MAP3K15: variants seen among roughly 807,000 people sequenced by gnomAD.
The protein encoded by MAP3K15 is mitogen-activated protein kinase kinase kinase 15.
Under a neutral mutation model 99.5 loss-of-function variants are expected in MAP3K15, and 124 were observed. The ratio of observed to expected loss-of-function variants is 1.25; its 90% CI spans 1.08 to 1.45. The LOEUF is 1.45. Ranked by LOEUF, MAP3K15 falls within the 40% of genes most tolerant of loss-of-function variation. The pLI is 0.00. For synonymous variants in MAP3K15, 494 were observed against 439.6 expected (o/e 1.12, Z -1.55); for missense variants, 1,242 against 1,079.7 (o/e 1.15, Z -2.11).
At position 19,361,428 on chromosome X, in the gene MAP3K15, T is replaced by C; in HGVS notation, c.3781-13A>G. ...CCTCTTCAACAATCTGAAACAAAGA[T>C]CAGATCCTTAAGAGCTGAGCAGCTG... On this transcript the variant is annotated splice_polypyrimidine_tract_variant and intron_variant, in intron 27 of 28. Coordinates refer to ENST00000338883, the MANE Select transcript of MAP3K15 (RefSeq NM_001001671.4). 8.3e-7 allele frequency: 1 copy of C among 1,201,048 alleles called. No individual in the cohort carries two copies. Among genetic ancestry groups the C allele is most frequent in the South Asian group, 1.8e-5 (1 of 56,403 alleles).
chrX:19,441,311 G>C (rs143860692), intron 6 of MAP3K15, among the ~76,000 whole-genome samples: 2,818 of 109,716 alleles, frequency 0.026, 78 homozygotes, highest in African/African-American at 0.088. Flanking sequence ...TTAGGAATAG[G>C]GGGGGAAGAA....
At chrX:19,453,693 T>C (rs2064073364) in intron 6 of MAP3K15, among the ~76,000 whole-genome samples, 1 of 111,603 alleles carries the variant, frequency 9.0e-6, no homozygotes, top group Non-Finnish European at 1.9e-5. Context: ...TTTGTGGTTC[T>C]CTTCACTAGA....
chrX:19,431,500 G>A lies in MAP3K15; in HGVS notation c.1104C>T (p.Tyr368=). The A allele has an allele frequency of 8.3e-7, 1 of 1,200,284 alleles. No homozygotes were observed. Among genetic ancestry groups the A allele is most frequent in the Non-Finnish European group, 1.1e-6 (1 of 895,012 alleles). Residue 368 remains tyrosine, a synonymous_variant, in exon 7 of 29, where the codon TAC becomes TAT. Transcript: ENST00000338883. The part of the protein sequence containing the change: ...PDMFCLCGRI[Y]KDIFLDSDCK... The stretch of plus-strand genomic sequence containing the variant: ...AGTCTGAATCCAAGAAGATGTCCTT[G>A]TAGATCCTCCCACACAGGCAGAACA...
rs1375160598 is a variant in MAP3K15 at position 19,515,100 on chromosome X, C to A, written c.162G>T (p.Gly54=). ...CCCGCAGAGCCCGCCGCGGCCCGCC[C>A]CCACTCTCGCCCTCGCCGCTGCCGC... ...AAGGSGEGES[G]GGPRRALRAV... The change falls in exon 1 of 29, where the codon GGG becomes GGT. Residue 54 remains glycine, a synonymous_variant. Transcript: ENST00000338883. The A allele has an allele frequency of 1.2e-6, 1 of 838,552 alleles. No individual in the cohort carries two copies. Among genetic ancestry groups the A allele is most frequent in the Non-Finnish European group, 1.5e-6 (1 of 659,461 alleles). 69.1% of individuals were successfully genotyped at this position (838,552 alleles called of 1,213,427 possible). A position where few individuals can be genotyped will look rare whatever the true frequency, so the allele number is the denominator to read the frequency against.
chrX:19,398,468 T>A (rs1309469402), intron 14 of MAP3K15, 109 bp from the exon 15 acceptor site: 10 of 884,728 alleles, frequency 1.1e-5, no homozygotes, highest in Non-Finnish European at 1.3e-5. Flanking sequence ...ATAACATTAT[T>A]TGACTGTCAG....
At chrX:19,388,688 G>A (rs1027612208) in intron 18 of MAP3K15, among the ~76,000 whole-genome samples, 6 of 111,706 alleles carry the variant, frequency 5.4e-5, no homozygotes, top group African/African-American at 2.0e-4. Flanking sequence ...TAAGTAATAT[G>A]CCCAAGGTCA....
At chrX:19,486,958 A>T (rs940214294) in intron 2 of MAP3K15, among the ~76,000 whole-genome samples, 3 of 111,099 alleles carry the variant, frequency 2.7e-5, no homozygotes, top group African/African-American at 9.8e-5. Flanking sequence ...TGTGAAGGCC[A>T]CACCACAGTC....
At position 19,395,084 on chromosome X, in the gene MAP3K15, C is replaced by T. The variant is rs1459360829; in HGVS notation, c.2191G>A (p.Gly731Arg). 8.3e-7 allele frequency: 1 copy of T among 1,207,319 alleles called. No individual in the cohort carries two copies. The highest frequency in any genetic ancestry group is 3.0e-5 in the East Asian group (1 of 33,640). ...YIKIFMEQVP[G>R]GSLSALLRSK... ...CCAGAAGACAGCGACTACTCACCTC[C>T]AGGCACCTGCTCCATAAATATCTTA... Residue 731 changes from glycine to arginine, a missense_variant, in exon 16 of 29, where the codon GGA (glycine) becomes AGA (arginine). Gly to Arg is a moderately radical substitution (Grantham distance 125). Transcript: ENST00000338883.
Position 19,514,956 on chromosome X carries a change from G to C in MAP3K15, c.306C>G (p.Pro102=). ...TCTCCCCGAAGTCCAGCTCCCCGAAGGGCACGGAGGTGAGGTGAGCGCCCT... is the reference window on the plus strand; with the variant it reads ...TCTCCCCGAAGTCCAGCTCCCCGAACGGCACGGAGGTGAGGTGAGCGCCCT... ...EAEGAHLTSV[P]FGELDFGETA... is the part of the protein sequence containing the mutation. Residue 102 remains proline (P), a synonymous_variant, in exon 1 of 29, where the codon CCC becomes CCG. Transcript: ENST00000338883. The C allele has an allele frequency of 8.7e-7, 1 of 1,150,440 alleles. No individual in the cohort carries two copies. Among genetic ancestry groups the C allele is most frequent in the South Asian group, 1.9e-5 (1 of 53,036 alleles). The allele number at this position is 1,150,440 out of a possible 1,213,427, so 94.8% of individuals were successfully genotyped here. A position where few individuals can be genotyped will look rare whatever the true frequency, so the allele number is the denominator to read the frequency against.
At chrX:19,458,238 G>T (rs888806465) in intron 5 of MAP3K15, among the ~76,000 whole-genome samples, 1 of 112,164 alleles carries the variant, frequency 8.9e-6, no homozygotes, top group East Asian at 2.8e-4. Flanking sequence ...AGCATGAATG[G>T]AAGGTTATGA....
At chrX:19,487,350 C>T (rs1157379615) in intron 2 of MAP3K15, among the ~76,000 whole-genome samples, 1 of 110,751 alleles carries the variant, frequency 9.0e-6, no homozygotes, top group Non-Finnish European at 1.9e-5. Context: ...TTTGCTAAGG[C>T]ACAGTTGAAG....
Position 19,410,727 on chromosome X carries a change from T to C in MAP3K15, c.1699-754A>G, listed in dbSNP as rs970416484. On this transcript the variant is annotated intron_variant, in intron 11 of 28. Coordinates refer to ENST00000338883, the MANE Select transcript of MAP3K15 (RefSeq NM_001001671.4). ...ACTGGGATTTCAAACAGCACCCAAG[T>C]TGCACTTACAAACAAAAACTAACTC... Among the ~76,000 whole-genome samples, 12 of 111,731 alleles carry C rather than the reference T, an allele frequency of 1.1e-4. No homozygotes were observed. In the Admixed American group the frequency reaches 1.1e-3, roughly 11 times the overall value.
intron 6 of MAP3K15, among the ~76,000 whole-genome samples, chrX:19,436,501 C>G (rs1259912579): frequency 9.0e-6 from 1 of 111,270 alleles, no homozygotes; most frequent in Non-Finnish European, 1.9e-5. Context: ...GGTAACTACC[C>G]TAGATCCCTT....
Position 19,392,459 on chromosome X carries a change from G to A in MAP3K15, c.2209C>T (p.Leu737Phe), listed in dbSNP as rs765768554. ...ATCGGCCCCCATTTGGATCGCAGAA[G>A]AGCAGAAAGGCTTCCTAGAGACAGT... ...EQVPGGSLSA[L>F]LRSKWGPMKE... Residue 737 changes from leucine to phenylalanine, a missense_variant, in exon 17 of 29, where the codon CTT (leucine) becomes TTT (phenylalanine). Coordinates refer to ENST00000338883, the MANE Select transcript of MAP3K15 (RefSeq NM_001001671.4). The A allele has an allele frequency of 4.1e-6, 5 of 1,207,977 alleles. No homozygotes were observed. The highest frequency in any genetic ancestry group is 4.4e-5 in the Admixed American group (2 of 45,256).
At chrX:19,514,867 A>G in intron 1 of MAP3K15, 34 bp downstream of exon 1, 1 of 925,839 alleles carries the variant, frequency 1.1e-6, no homozygotes, top group Non-Finnish European at 1.4e-6. Context: ...GGGTAGGTGA[A>G]CTGGGACTGA....
intron 18 of MAP3K15, among the ~76,000 whole-genome samples, chrX:19,390,893 G>A (rs753616643): frequency 1.3e-4 from 14 of 110,488 alleles, no homozygotes; most frequent in African/African-American, 4.6e-4. Flanking sequence ...ACTCCTTGGG[G>A]GACTATAAAC....
chrX:19,406,924 C>T (rs2063652592), intron 13 of MAP3K15, among the ~76,000 whole-genome samples: 2 of 111,927 alleles, frequency 1.8e-5, no homozygotes, highest in Non-Finnish European at 3.8e-5. Flanking sequence ...TGGTCTCAAA[C>T]TCCTAACCTC....
intron 3 of MAP3K15, 29 bp downstream of exon 3, chrX:19,486,453 A>G: frequency 2.8e-6 from 2 of 723,812 alleles, no homozygotes; most frequent in Non-Finnish European, 3.8e-6. Flanking sequence ...TAATTTCAGA[A>G]TTAAAATTCT....
intron 6 of MAP3K15, among the ~76,000 whole-genome samples, chrX:19,456,199 A>C (rs2064091551): frequency 8.9e-6 from 1 of 111,995 alleles, no homozygotes; most frequent in African/African-American, 3.2e-5. Flanking sequence ...TGTCCATAGC[A>C]GCGCTGTTCT....
Sources: gnomAD v4.1 joint callset for allele counts (sites outside exome capture counted in the v4.1 genomes callset) on GRCh38, gnomAD v4.1.1 for gene constraint, MANE v1.5 for transcripts, NCBI Gene and HGNC (gene_info 2026-07-23, HGNC 2026-07-21) for gene names.